ACSBG2: variants seen among roughly 807,000 people sequenced by gnomAD.
ACSBG2 encodes the protein acyl-CoA synthetase bubblegum family member 2.
A neutral mutation model predicts 74.7 loss-of-function variants in ACSBG2; 62 were observed. That is an observed-to-expected ratio of 0.83 (90% CI 0.68 to 1.03). The LOEUF is 1.03. Ranked by LOEUF, ACSBG2 falls within the 50% of genes least tolerant of loss-of-function variation. The pLI is 0.00. For missense variants in ACSBG2, 730 were observed against 817.6 expected, an observed-to-expected ratio of 0.89 and a Z score of 1.31; for synonymous variants, 309 against 294.1, an observed-to-expected ratio of 1.05 and a Z score of -0.52.
At position 6,178,430 on chromosome 19, in the gene ACSBG2, G is replaced by A. The variant is rs372608619; in HGVS notation, c.906+1034G>A. 1.4e-4 allele frequency among the ~76,000 whole-genome samples: 21 copies of A among 152,046 alleles called. 1 individual carries two copies. The highest frequency in any genetic ancestry group is 4.8e-4 in the African/African-American group (20 of 41,438). On this transcript the variant is annotated intron_variant, in intron 8 of 14. Transcript: ENST00000588485. ...GAGTCTTGCTCTGTTGCCCAGGCTG[G>A]AGTTACAGTGCCATGATCTCGGCCC...
chr19:6,187,480 GC>G, intron 12 of ACSBG2, 58 bp downstream of exon 12: 2 of 1,606,538 alleles, frequency 1.2e-6, no homozygotes, highest in Non-Finnish European at 1.7e-6. Context: ...GGGTTCCCTG[GC>G]CCCACCCCAG....
chr19:6,155,937 T>A lies in ACSBG2; in HGVS notation c.387-494T>A, dbSNP rs769653101. 5.9e-3 allele frequency among the ~76,000 whole-genome samples: 666 copies of A among 113,134 alleles called. 1 individual carries two copies. The highest frequency in any genetic ancestry group is 8.9e-3 in the Non-Finnish European group (466 of 52,566). The allele number at this position is 113,134 out of a possible 152,430, so 74.2% of individuals were successfully genotyped here. The stretch of plus-strand genomic sequence containing the variant: ...AATAAAAAGGCAAAAAAAAAAAAAA[T>A]TGAAAGGGGCAAAAGATTTCAACAG... On this transcript the variant is annotated intron_variant, in intron 4 of 14. Coordinates refer to ENST00000588485, the MANE Select transcript of ACSBG2 (RefSeq NM_030924.5).
chr19:6,171,085 C>T (rs1186904506), intron 7 of ACSBG2, among the ~76,000 whole-genome samples: 4 of 151,832 alleles, frequency 2.6e-5, no homozygotes, highest in African/African-American at 9.7e-5. Flanking sequence ...TTTCTCCATC[C>T]CTTTACTTTG....
intron 7 of ACSBG2, chr19:6,176,494 CA>C: frequency 1.0e-6 from 1 of 991,614 alleles, no homozygotes; most frequent in East Asian, 3.2e-5. Context: ...TATGAAAAAA[CA>C]ACACACACAC....
At chr19:6,187,552 G>A (rs759281241) in intron 12 of ACSBG2, 47 bp from the exon 13 acceptor site, 47 of 1,610,436 alleles carry the variant, frequency 2.9e-5, no homozygotes, top group Non-Finnish European at 2.7e-5. Flanking sequence ...CCTGGGGAGG[G>A]GTGCTGGTCA....
rs2090218750 is a variant in ACSBG2 at position 6,180,601 on chromosome 19, A to G, written c.907-2150A>G. 6.6e-6 allele frequency among the ~76,000 whole-genome samples: 1 copy of G among 152,244 alleles called. No homozygotes were observed. Among genetic ancestry groups the G allele is most frequent in the Admixed American group, 6.5e-5 (1 of 15,280 alleles). On this transcript the variant is annotated intron_variant, in intron 8 of 14. Transcript: ENST00000588485. The surrounding 1 kb of genome is among the most constrained non-coding windows in gnomAD (Gnocchi z 4.3). The stretch of plus-strand genomic sequence containing the variant: ...ATTGTCAAAATGTTTACAACTTGTC[A>G]ATCTGAATAGTGACAAAAGTGTCTT...
At chr19:6,192,589 G>A (rs892589416) in intron 14 of ACSBG2, 79 bp from the exon 15 acceptor site, 1 of 152,170 alleles carries the variant, frequency 6.6e-6, no homozygotes, top group Admixed American at 6.5e-5. Flanking sequence ...TCATCATATG[G>A]TGACTGTGGG....
At chr19:6,185,742 C>G in intron 11 of ACSBG2, 89 bp downstream of exon 11, 1 of 1,347,658 alleles carries the variant, frequency 7.4e-7, no homozygotes. Context: ...GAAGGCCACC[C>G]CCAGTTCCTC....
At chr19:6,138,608 G>GGAAGGAAC (rs1222319155) in intron 1 of ACSBG2, among the ~76,000 whole-genome samples, 1 of 139,344 alleles carries the variant, frequency 7.2e-6, no homozygotes, top group Non-Finnish European at 1.6e-5. Context: ...GAGGGAGGAA[G>GGAAGGAAC]GAAGGAAGGA....
intron 13 of ACSBG2, chr19:6,189,838 A>G (rs1424248211): frequency 2.6e-5 from 4 of 151,996 alleles, no homozygotes; most frequent in Non-Finnish European, 5.9e-5. Context: ...CCTCCCGAGT[A>G]GCTGGGACTA....
At chr19:6,161,854 A>G (rs1455926305) in intron 6 of ACSBG2, among the ~76,000 whole-genome samples, 1 of 152,098 alleles carries the variant, frequency 6.6e-6, no homozygotes, top group African/African-American at 2.4e-5. Context: ...GCAACAAATC[A>G]CCACCAAAAC....
intron 9 of ACSBG2, 45 bp downstream of exon 9, chr19:6,182,977 G>A (rs766254316): frequency 6.2e-7 from 1 of 1,612,728 alleles, no homozygotes; most frequent in Non-Finnish European, 8.5e-7. Flanking sequence ...TGGTGAGGAG[G>A]CTCAGCCTTC....
At chr19:6,140,224 C>CAA (rs370796775) in intron 1 of ACSBG2, among the ~76,000 whole-genome samples, 69,689 of 115,136 alleles carry the variant, frequency 0.61, 21,151 homozygotes, top group Admixed American at 0.69. Context: ...GACTCCGTCT[C>CAA]AAAAAAAAAA....
At position 6,161,239 on chromosome 19, in the gene ACSBG2, C is replaced by G; in HGVS notation, c.532C>G (p.Leu178Val). ...GATTCCACAGAGCAGCCTAGAGCCC[C>G]TAAAAGCGATCATCCAGTACAGACT... ...LSIPQSSLEPLKAIIQYRLPM... is the reference protein window; with the variant it reads ...LSIPQSSLEPVKAIIQYRLPM... The change falls in exon 6 of 15, where the codon CTA becomes GTA. Residue 178 changes from leucine to valine, a missense_variant. Coordinates refer to ENST00000588485, the MANE Select transcript of ACSBG2 (RefSeq NM_030924.5). 6.2e-7 allele frequency: 1 copy of G among 1,613,606 alleles called. No homozygotes were observed. Among genetic ancestry groups the G allele is most frequent in the Non-Finnish European group, 8.5e-7 (1 of 1,179,642 alleles).
intron 8 of ACSBG2, among the ~76,000 whole-genome samples, chr19:6,182,483 C>G (rs565623441): frequency 4.1e-4 from 63 of 152,326 alleles, no homozygotes; most frequent in African/African-American, 1.4e-3. Flanking sequence ...GTGAAGTTGA[C>G]AGGTTGCACT....
At chr19:6,150,166 G>C (rs1221916958) in intron 3 of ACSBG2, among the ~76,000 whole-genome samples, 1 of 151,594 alleles carries the variant, frequency 6.6e-6, no homozygotes, top group Non-Finnish European at 1.5e-5. Flanking sequence ...TTAAAAAATA[G>C]CAAAACACAA....
intron 1 of ACSBG2, among the ~76,000 whole-genome samples, chr19:6,140,203 C>T (rs1452310041): frequency 3.0e-5 from 4 of 132,994 alleles, no homozygotes; most frequent in South Asian, 2.4e-4. Flanking sequence ...CCAGCCTGGG[C>T]GACAGAGCAA....
chr19:6,142,767 A>C (rs962985202), intron 2 of ACSBG2, among the ~76,000 whole-genome samples: 3 of 151,392 alleles, frequency 2.0e-5, no homozygotes, highest in Admixed American at 2.0e-4. Flanking sequence ...AAAAAAAAAA[A>C]ATAGTGAAAG....
chr19:6,181,360 A>G (rs1215575720), intron 8 of ACSBG2, among the ~76,000 whole-genome samples: 6 of 151,756 alleles, frequency 4.0e-5, no homozygotes, highest in Non-Finnish European at 1.5e-5. Flanking sequence ...AAGAAAGAAA[A>G]AGAAAGAAAG....
Sources: allele counts gnomAD v4.1 joint callset (sites outside exome capture counted in the v4.1 genomes callset), GRCh38; gene constraint gnomAD v4.1.1; non-coding constraint Gnocchi (gnomAD v3.1); transcripts MANE v1.5; gene names NCBI Gene and HGNC (gene_info 2026-07-23, HGNC 2026-07-21).